Variants in LYPD6 observed in about 807,000 individuals in gnomAD.
The protein encoded by LYPD6 is ly6/PLAUR domain-containing protein 6.
LYPD6 carries 15 observed loss-of-function variants against 22.7 expected under a neutral mutation model. That is an observed-to-expected ratio of 0.66 (90% CI 0.44 to 1.02). The LOEUF (loss-of-function observed/expected upper bound fraction) is 1.02, where lower values mean the gene tolerates loss of function less well. Among genes scored for constraint, LYPD6 ranks in the 50% least tolerant of loss-of-function variants. The pLI is 0.00. For synonymous variants in LYPD6, 72 were observed against 77.5 expected (o/e 0.93, Z 0.37); for missense variants, 189 against 208.4 (o/e 0.91, Z 0.57).
chr2:149,367,542 TC>T (rs1345870710), intron 1 of LYPD6, among the ~76,000 whole-genome samples: 2 of 152,162 alleles, frequency 1.3e-5, no homozygotes, highest in African/African-American at 4.8e-5. Context: ...CACCTTAGGA[TC>T]CTAGGCCAAG....
At chr2:149,406,774 T>G (rs1411824315) in intron 1 of LYPD6, among the ~76,000 whole-genome samples, 2 of 152,198 alleles carry the variant, frequency 1.3e-5, no homozygotes, top group South Asian at 2.1e-4. Context: ...ATCCTGTCAT[T>G]ATGATGTTAG....
In LYPD6 at chr2:149,353,468, A is replaced by G. The variant is rs1276730882; in HGVS notation, c.-72+22746A>G. On this transcript the variant is annotated intron_variant, in intron 1 of 4. Transcript: ENST00000334166. ...AAAGTTGTTTTGTCAACATTAGACC[A>G]GCTGCTGTGTAATTATGGTAGCTCT... Among the ~76,000 whole-genome samples the G allele has an allele frequency of 4.6e-5, 7 of 152,198 alleles. 1 individual carries two copies. Among genetic ancestry groups the G allele is most frequent in the Admixed American group, 4.6e-4 (7 of 15,272 alleles).
chr2:149,359,797 A>G (rs547565495), intron 1 of LYPD6, among the ~76,000 whole-genome samples: 5 of 152,232 alleles, frequency 3.3e-5, no homozygotes, highest in East Asian at 1.9e-4. Context: ...GTATCCCTCT[A>G]TTACTAGAAA....
At chr2:149,368,499 C>G (rs1484940928) in intron 1 of LYPD6, among the ~76,000 whole-genome samples, 1 of 152,124 alleles carries the variant, frequency 6.6e-6, no homozygotes, top group Non-Finnish European at 1.5e-5. Context: ...CACCACTGCA[C>G]TCCAGCCTGG....
chr2:149,349,390 G>C (rs1296951155), intron 1 of LYPD6, among the ~76,000 whole-genome samples: 3 of 152,164 alleles, frequency 2.0e-5, no homozygotes, highest in African/African-American at 7.2e-5. Context: ...TTCATGAAAA[G>C]TGTGGGACTT....
intron 1 of LYPD6, among the ~76,000 whole-genome samples, chr2:149,346,323 A>G (rs973215657): frequency 6.6e-6 from 1 of 152,208 alleles, no homozygotes; most frequent in African/African-American, 2.4e-5. Context: ...CACAAAGCTG[A>G]ACACATGTGT....
At chr2:149,387,602 A>T (rs549461443) in intron 1 of LYPD6, among the ~76,000 whole-genome samples, 12 of 152,304 alleles carry the variant, frequency 7.9e-5, no homozygotes, top group African/African-American at 2.9e-4. Context: ...GGAAGCATCA[A>T]GGAATTTAGC....
At chr2:149,395,890 A>G (rs182748282) in intron 1 of LYPD6, among the ~76,000 whole-genome samples, 7 of 152,246 alleles carry the variant, frequency 4.6e-5, no homozygotes, top group Admixed American at 2.0e-4. Flanking sequence ...TACTCCGTGC[A>G]TTTGTTGCTC....
chr2:149,465,880 C>T (rs1333195045), intron 3 of LYPD6, among the ~76,000 whole-genome samples: 2 of 152,122 alleles, frequency 1.3e-5, no homozygotes, highest in Non-Finnish European at 2.9e-5. Flanking sequence ...GTTTCACAAC[C>T]TCTGGGAATA....
chr2:149,446,987 C>T (rs554912043), intron 2 of LYPD6, among the ~76,000 whole-genome samples: 11 of 152,190 alleles, frequency 7.2e-5, no homozygotes, highest in African/African-American at 2.4e-4. Context: ...TGATTATTTC[C>T]GCCAGTGGGA....
chr2:149,434,593 C>T (rs1683389488), intron 1 of LYPD6, among the ~76,000 whole-genome samples: 1 of 152,134 alleles, frequency 6.6e-6, no homozygotes, highest in East Asian at 1.9e-4. Flanking sequence ...TTTTATCACT[C>T]ATCTCTTATG....
chr2:149,331,509 C>G (rs994386090), intron 1 of LYPD6, among the ~76,000 whole-genome samples: 1 of 152,200 alleles, frequency 6.6e-6, no homozygotes, highest in African/African-American at 2.4e-5. Context: ...CTGCTCCTCA[C>G]TGCGGGGCTC....
chr2:149,472,481 TCTCTGG>T lies in LYPD6; in HGVS notation c.*1635_*1640del, dbSNP rs1460238531. 6.6e-6 allele frequency: 1 copy of T among 152,612 alleles called. No individual in the cohort carries two copies. Among genetic ancestry groups the T allele is most frequent in the Non-Finnish European group, 1.5e-5 (1 of 68,044 alleles). 9.5% of individuals were successfully genotyped at this position (152,612 alleles called of 1,614,324 possible). A position where few individuals can be genotyped will look rare whatever the true frequency, so the allele number is the denominator to read the frequency against. On this transcript the variant is annotated 3_prime_UTR_variant, in exon 5 of 5. Coordinates refer to ENST00000334166, the MANE Select transcript of LYPD6 (RefSeq NM_194317.5). ...TCCATCTGCCCTCCATAGAAAAATGTCTCTGGCTCATAAAATGAGACTCCCTCAGGG... is the reference window on the plus strand; with the variant it reads ...TCCATCTGCCCTCCATAGAAAAATGTCTCATAAAATGAGACTCCCTCAGGG...
At chr2:149,336,446 G>GATA (rs1681035296) in intron 1 of LYPD6, among the ~76,000 whole-genome samples, 1 of 134,050 alleles carries the variant, frequency 7.5e-6, no homozygotes, top group African/African-American at 2.7e-5. Context: ...CCCATCAGCA[G>GATA]ATAGCATAGC....
At chr2:149,397,758 C>A (rs1008621756) in intron 1 of LYPD6, among the ~76,000 whole-genome samples, 18 of 152,102 alleles carry the variant, frequency 1.2e-4, no homozygotes, top group African/African-American at 4.1e-4. Flanking sequence ...AAGTAATGTG[C>A]AGATGAAGTG....
At chr2:149,330,507 C>G (rs1286109726), upstream of LYPD6, 1 of 149,110 alleles carries the variant, frequency 6.7e-6, no homozygotes, top group African/African-American at 2.4e-5. Context: ...GCCGCGGCTG[C>G]GGGCGGCGGC....
intron 2 of LYPD6, among the ~76,000 whole-genome samples, chr2:149,442,149 T>G (rs1683582465): frequency 6.6e-6 from 1 of 152,226 alleles, no homozygotes; most frequent in South Asian, 2.1e-4. Context: ...TCTAGAATTT[T>G]TATATATGCA....
chr2:149,459,121 A>C (rs1203296063), intron 3 of LYPD6, among the ~76,000 whole-genome samples: 4 of 152,232 alleles, frequency 2.6e-5, no homozygotes, highest in African/African-American at 9.6e-5. Context: ...ACACATAATA[A>C]TAAAACTTCT....
chr2:149,408,865 T>C (rs928944242), intron 1 of LYPD6, among the ~76,000 whole-genome samples: 2 of 152,226 alleles, frequency 1.3e-5, no homozygotes, highest in African/African-American at 4.8e-5. Context: ...CTCTGTTGCC[T>C]CCTTGATTAG....
Sources: allele counts gnomAD v4.1 joint callset (sites outside exome capture counted in the v4.1 genomes callset), GRCh38; gene constraint gnomAD v4.1.1; transcripts MANE v1.5; gene names NCBI Gene and HGNC (gene_info 2026-07-23, HGNC 2026-07-21).